TRIM14: variants seen among roughly 807,000 people sequenced by gnomAD.
The protein encoded by TRIM14 is tripartite motif containing 14.
In TRIM14, 28 loss-of-function variants were observed where a neutral mutation model predicts 44.5. That is an observed-to-expected ratio of 0.63 (90% CI 0.47 to 0.86). The LOEUF (loss-of-function observed/expected upper bound fraction) is 0.86, where lower values mean the gene tolerates loss of function less well. Among genes scored for constraint, TRIM14 ranks in the 40% least tolerant of loss-of-function variants. The probability of loss-of-function intolerance (pLI) is 0.00; values close to 1 mark genes in which losing one functional copy is unlikely to be tolerated. For synonymous variants in TRIM14, 299 were observed against 269.2 expected (o/e 1.11, Z -1.08); for missense variants, 607 against 611.1 (o/e 0.99, Z 0.07).
intron 2 of TRIM14, among the ~76,000 whole-genome samples, chr9:98,101,644 C>T (rs1162224007): frequency 6.6e-6 from 1 of 152,130 alleles, no homozygotes; most frequent in Non-Finnish European, 1.5e-5. Flanking sequence ...GGGTCTTGAA[C>T]TCCTGACCTC....
the TRIM14 span, among the ~76,000 whole-genome samples, chr9:98,046,287 C>T: frequency 3.9e-5 from 6 of 152,000 alleles, no homozygotes; most frequent in African/African-American, 9.7e-5. Context: ...CTGGAAGCAG[C>T]GAAGTCTTAC....
the TRIM14 span, among the ~76,000 whole-genome samples, chr9:98,036,571 A>G: frequency 1.3e-5 from 2 of 150,880 alleles, no homozygotes; most frequent in East Asian, 3.9e-4. Context: ...GGAGGTTCAG[A>G]TGGGTGGATC....
At chr9:98,110,312 A>G (rs1011804350) in intron 1 of TRIM14, 4 of 332,012 alleles carry the variant, frequency 1.2e-5, no homozygotes, top group African/African-American at 6.4e-5. Context: ...GGGGTCTGGG[A>G]AAGAACATCT....
the TRIM14 span, chr9:98,056,791 G>T: frequency 1.2e-6 from 2 of 1,609,636 alleles, no homozygotes; most frequent in Non-Finnish European, 1.7e-6. Flanking sequence ...GTGAGGCTTT[G>T]GACCCCGAGC....
chr9:98,053,878 A>G, the TRIM14 span, among the ~76,000 whole-genome samples: 2 of 152,178 alleles, frequency 1.3e-5, no homozygotes, highest in African/African-American at 4.8e-5. Context: ...AAGCTTCTCA[A>G]CTTTGTAAGA....
rs900228847 is a variant in TRIM14, at chr9:98,115,096, A to AT, written c.207+3885dup. On this transcript the variant is annotated intron_variant, in intron 1 of 5. Coordinates refer to ENST00000341469, the MANE Select transcript of TRIM14 (RefSeq NM_014788.4). ...TTTTTTTATTTTCATTTTTAAATTAATTTTTTTTTTTTAGACAGAGTCTTG... is the reference window on the plus strand; with the variant it reads ...TTTTTTTATTTTCATTTTTAAATTAATTTTTTTTTTTTTAGACAGAGTCTTG... 7.2e-3 allele frequency among the ~76,000 whole-genome samples: 1,055 copies of AT among 147,078 alleles called. 14 individuals carry two copies. Among genetic ancestry groups the AT allele is most frequent in the African/African-American group, 0.023 (941 of 40,402 alleles).
chr9:98,036,319 G>A, the TRIM14 span, among the ~76,000 whole-genome samples: 960 of 151,810 alleles, frequency 6.3e-3, 11 homozygotes, highest in African/African-American at 0.022. Flanking sequence ...TGGCCAACAT[G>A]GTGAAAACCC....
chr9:98,082,662 T>G (rs1829928916), downstream of TRIM14, among the ~76,000 whole-genome samples: 1 of 152,208 alleles, frequency 6.6e-6, no homozygotes, highest in Admixed American at 6.5e-5. Flanking sequence ...AGTCTCTGAA[T>G]TCAATCTATA....
the TRIM14 span, among the ~76,000 whole-genome samples, chr9:98,044,968 C>G: frequency 6.6e-6 from 1 of 152,022 alleles, no homozygotes; most frequent in East Asian, 1.9e-4. Context: ...AAAAAATTAG[C>G]TGGGTATGAC....
In TRIM14 at chr9:98,101,017, T is replaced by C. The variant is rs1826368980; in HGVS notation, c.304-853A>G. ...TTTTTGAGAAGGAGTTTCACTCTTGTCCAGGCTGAGTGCAGTGGTGCGATC... is the reference window on the plus strand; with the variant it reads ...TTTTTGAGAAGGAGTTTCACTCTTGCCCAGGCTGAGTGCAGTGGTGCGATC... On this transcript the variant is annotated intron_variant, in intron 2 of 5. Transcript: ENST00000341469. Among the ~76,000 whole-genome samples the C allele has an allele frequency of 4.6e-5, 7 of 152,280 alleles. No individual in the cohort carries two copies. In the South Asian group the frequency reaches 1.4e-3, roughly 32 times the overall value.
downstream of TRIM14, chr9:98,080,950 G>C: frequency 6.2e-7 from 1 of 1,614,220 alleles, no homozygotes; most frequent in Non-Finnish European, 8.5e-7. Flanking sequence ...AGACCTGGAA[G>C]GGGAGTGACC....
At chr9:98,061,736 C>T in the TRIM14 span, among the ~76,000 whole-genome samples, 104 of 150,768 alleles carry the variant, frequency 6.9e-4, no homozygotes, top group South Asian at 1.3e-3. Context: ...GCCGAGATCG[C>T]GCCACTGCAC....
chr9:98,076,907 G>A lies in TRIM14; in HGVS notation c.*29-7220C>T, dbSNP rs1305239940. On this transcript the variant is annotated intron_variant, in intron 6 of 6. Transcript: ENST00000375098. ...AATGGTGAAAAGGAGCTCCCTCTTT[G>A]ATTTTTGTAGATGGCAGTTGAATTC... The A allele has an allele frequency of 1.4e-5, 22 of 1,605,196 alleles. No homozygotes were observed. The highest frequency in any genetic ancestry group is 1.9e-5 in the Non-Finnish European group (22 of 1,175,124).
chr9:98,113,303 T>G (rs954368747), intron 1 of TRIM14, among the ~76,000 whole-genome samples: 7 of 152,140 alleles, frequency 4.6e-5, no homozygotes, highest in Admixed American at 2.6e-4. Flanking sequence ...TCTTATCTTG[T>G]GTAGTCAAAG....
intron 2 of TRIM14, among the ~76,000 whole-genome samples, chr9:98,106,394 C>G (rs1417910058): frequency 1.3e-5 from 2 of 152,134 alleles, no homozygotes; most frequent in Non-Finnish European, 2.9e-5. Context: ...TCACAGGAGC[C>G]AGGTTGTTAA....
At chr9:98,067,362 C>A (rs774018344), downstream of TRIM14, among the ~76,000 whole-genome samples, 19 of 152,284 alleles carry the variant, frequency 1.2e-4, no homozygotes, top group Non-Finnish European at 1.3e-4. Flanking sequence ...GCACCATTCC[C>A]GCCAGCAGGG....
At chr9:98,092,599 T>C in intron 4 of TRIM14, 1 of 236,542 alleles carries the variant, frequency 4.2e-6, no homozygotes, top group South Asian at 4.1e-5. Context: ...AATCAAGTTT[T>C]GCCTAAAGCT....
chr9:98,114,612 G>A (rs1324693916), intron 1 of TRIM14, among the ~76,000 whole-genome samples: 21 of 152,182 alleles, frequency 1.4e-4, no homozygotes, highest in Non-Finnish European at 1.5e-4. Context: ...GTGAGCCACC[G>A]CACCCAGCCG....
At chr9:98,097,667 A>G (rs1826235559) in intron 3 of TRIM14, among the ~76,000 whole-genome samples, 1 of 152,238 alleles carries the variant, frequency 6.6e-6, no homozygotes, top group Non-Finnish European at 1.5e-5. Flanking sequence ...GGCTCAGTAC[A>G]TATTGATGAA....
Sources: allele counts gnomAD v4.1 joint callset (sites outside exome capture counted in the v4.1 genomes callset), GRCh38; gene constraint gnomAD v4.1.1; transcripts MANE v1.5; gene names NCBI Gene and HGNC (gene_info 2026-07-23, HGNC 2026-07-21).